Variants in INVS observed in about 807,000 individuals in gnomAD.
INVS encodes the protein inversion of embryo turning homolog.
Under a neutral mutation model 108.8 loss-of-function variants are expected in INVS, and 86 were observed. The ratio of observed to expected loss-of-function variants is 0.79; its 90% CI spans 0.66 to 0.95. The LOEUF is 0.95. Ranked by LOEUF, INVS falls within the 40% of genes least tolerant of loss-of-function variation. The probability of loss-of-function intolerance (pLI) is 0.00; values close to 1 mark genes in which losing one functional copy is unlikely to be tolerated. For synonymous variants in INVS, 455 were observed against 473.5 expected (o/e 0.96, Z 0.51); for missense variants, 1,169 against 1,297.4 (o/e 0.90, Z 1.52).
intron 5 of INVS, 137 bp downstream of exon 5, chr9:100,229,964 C>T (rs1297141075): frequency 1.5e-5 from 12 of 799,218 alleles, no homozygotes; most frequent in East Asian, 2.8e-5. Context: ...ATGGACTCAT[C>T]CCCCAAGAAG....
intron 3 of INVS, among the ~76,000 whole-genome samples, chr9:100,186,085 G>A (rs1323963557): frequency 6.6e-6 from 1 of 152,092 alleles, no homozygotes; most frequent in Non-Finnish European, 1.5e-5. Context: ...GATCAAATGG[G>A]TCAAATGGTA....
chr9:100,181,295 AG>A (rs1269544785), intron 3 of INVS, among the ~76,000 whole-genome samples: 4 of 152,194 alleles, frequency 2.6e-5, no homozygotes, highest in African/African-American at 9.6e-5. Context: ...AAAGAAATAA[AG>A]GGTATTCAAA....
At chr9:100,207,702 A>T (rs762112496) in intron 3 of INVS, among the ~76,000 whole-genome samples, 2 of 152,236 alleles carry the variant, frequency 1.3e-5, no homozygotes, top group Non-Finnish European at 2.9e-5. Context: ...ACTAAAAAGG[A>T]TTAGAAGAGT....
At chr9:100,161,369 A>C (rs1271629778) in intron 3 of INVS, among the ~76,000 whole-genome samples, 1 of 148,706 alleles carries the variant, frequency 6.7e-6, no homozygotes, top group Non-Finnish European at 1.5e-5. Flanking sequence ...CATCTCAAAA[A>C]AAAAAAAAAA....
chr9:100,214,638 T>C (rs1008521855), intron 3 of INVS, among the ~76,000 whole-genome samples: 14 of 152,240 alleles, frequency 9.2e-5, no homozygotes, highest in African/African-American at 3.1e-4. Flanking sequence ...TTTGCTTCCA[T>C]GTATACAACG....
intron 3 of INVS, among the ~76,000 whole-genome samples, chr9:100,216,796 G>C (rs1831002377): frequency 6.6e-6 from 1 of 152,124 alleles, no homozygotes; most frequent in South Asian, 2.1e-4. Flanking sequence ...TCTTTTGCCT[G>C]CCCAGAGGAA....
At chr9:100,220,967 T>C (rs1831129143) in intron 3 of INVS, among the ~76,000 whole-genome samples, 2 of 121,586 alleles carry the variant, frequency 1.6e-5, no homozygotes, top group Admixed American at 7.7e-5. Flanking sequence ...AGAGCAAGAC[T>C]CTGTCCCAAA....
At chr9:100,144,093 G>A (rs1035122188) in intron 3 of INVS, among the ~76,000 whole-genome samples, 4 of 152,066 alleles carry the variant, frequency 2.6e-5, no homozygotes, top group Admixed American at 2.6e-4. Context: ...ATGGGACACG[G>A]CTTAGGAGGA....
chr9:100,126,475 C>T lies in INVS; in HGVS notation c.199C>T (p.Leu67Phe). Residue 67 changes from leucine (L) to phenylalanine (F), a missense_variant, in exon 3 of 17, where the codon CTT (leucine) becomes TTT (phenylalanine). Physicochemically the swap from Leu to Phe is conservative, Grantham distance 22. This residue lies in a region of INVS where 365 missense variants were observed against 397.5 expected (regional missense o/e 0.92). Transcript: ENST00000262457. ...LADRLDCADA[L>F]LKAGADVNKT... ...TGACAGATTGGATTGTGCAGATGCT[C>T]TTCTGAAGGCAGGAGCAGATGTGAA... 11 of 1,614,130 alleles carry T rather than the reference C, an allele frequency of 6.8e-6. No homozygotes were observed. The highest frequency in any genetic ancestry group is 9.3e-6 in the Non-Finnish European group (11 of 1,179,992).
intron 3 of INVS, among the ~76,000 whole-genome samples, chr9:100,211,221 A>G (rs572664473): frequency 6.6e-6 from 1 of 152,324 alleles, no homozygotes; most frequent in South Asian, 2.1e-4. Flanking sequence ...TAATCATCCT[A>G]AAAGGTTGTA....
chr9:100,246,989 C>A (rs1832067036), intron 8 of INVS, among the ~76,000 whole-genome samples: 1 of 151,966 alleles, frequency 6.6e-6, no homozygotes, highest in Non-Finnish European at 1.5e-5. Flanking sequence ...CAAAGATTAG[C>A]ATGTTTCTAC....
chr9:100,178,520 A>C (rs1391767773), intron 3 of INVS, among the ~76,000 whole-genome samples: 1 of 152,244 alleles, frequency 6.6e-6, no homozygotes. Flanking sequence ...TGAATCAATC[A>C]AATCGAAGAA....
At chr9:100,207,553 A>G (rs1830711133) in intron 3 of INVS, among the ~76,000 whole-genome samples, 1 of 152,142 alleles carries the variant, frequency 6.6e-6, no homozygotes, top group Admixed American at 6.5e-5. Flanking sequence ...TCATTCTCCC[A>G]AAGTGCTGGG....
At chr9:100,243,646 A>G (rs1831950735) in intron 7 of INVS, among the ~76,000 whole-genome samples, 1 of 152,182 alleles carries the variant, frequency 6.6e-6, no homozygotes. Context: ...AAGGATGCAC[A>G]TGTTAAAACA....
chr9:100,250,243 A>G (rs1832185868), intron 8 of INVS, among the ~76,000 whole-genome samples: 1 of 152,234 alleles, frequency 6.6e-6, no homozygotes, highest in Non-Finnish European at 1.5e-5. Context: ...TCAAAAGTAG[A>G]CAGTTGTCCA....
intron 3 of INVS, among the ~76,000 whole-genome samples, chr9:100,185,626 CTAAGAT>C (rs1830036240): frequency 6.8e-6 from 1 of 147,306 alleles, no homozygotes; most frequent in Non-Finnish European, 1.5e-5. Context: ...GTGGTGAAGT[CTAAGAT>C]TTTAGTGCAC....
At position 100,279,810 on chromosome 9, in the gene INVS, G is replaced by A. The variant is rs150673830; in HGVS notation, c.1785-4510G>A. ...TCATGGGATGGGAAAGAGCCTGCCTGGTTCTGCAGTGTCTGATAGAATTAA... is the reference window on the plus strand; with the variant it reads ...TCATGGGATGGGAAAGAGCCTGCCTAGTTCTGCAGTGTCTGATAGAATTAA... On this transcript the variant is annotated intron_variant, in intron 12 of 16. Coordinates refer to ENST00000262457, the MANE Select transcript of INVS (RefSeq NM_014425.5). Among the ~76,000 whole-genome samples the A allele has an allele frequency of 3.5e-4, 53 of 152,268 alleles. No homozygotes were observed. In the East Asian group the frequency reaches 9.5e-3, roughly 27 times the overall value.
At position 100,292,333 on chromosome 9, in the gene INVS, C is replaced by T. The variant is rs1459431353; in HGVS notation, c.2076C>T (p.Ala692=). 6 of 1,613,878 alleles carry T rather than the reference C, an allele frequency of 3.7e-6. No homozygotes were observed. Among genetic ancestry groups the T allele is most frequent in the Non-Finnish European group, 5.1e-6 (6 of 1,179,794 alleles). ...GTNSRRPNET[A]REHSKGQSAC... ...TTTCTTTGTTTCCTCAAGAAACAGC[C>T]AGAGAACATTCTAAAGGCCAATCTG... Residue 692 remains alanine (A), a synonymous_variant, in exon 14 of 17, where the codon GCC becomes GCT. Coordinates refer to ENST00000262457, the MANE Select transcript of INVS (RefSeq NM_014425.5).
intron 3 of INVS, among the ~76,000 whole-genome samples, chr9:100,174,230 A>G (rs1344103147): frequency 6.6e-6 from 1 of 152,216 alleles, no homozygotes; most frequent in East Asian, 1.9e-4. Flanking sequence ...GTTCGTAATG[A>G]ATAAACAGAT....
Sources: gnomAD v4.1 joint callset for allele counts (sites outside exome capture counted in the v4.1 genomes callset) on GRCh38, gnomAD v4.1.1 for gene constraint, gnomAD v4.1.1 regional missense constraint, MANE v1.5 for transcripts, NCBI Gene and HGNC (gene_info 2026-07-23, HGNC 2026-07-21) for gene names.